Variants in GBF1 observed in about 807,000 individuals in gnomAD.
GBF1 encodes Golgi-specific brefeldin A-resistance guanine nucleotide exchange factor 1.
Under a neutral mutation model 210.5 loss-of-function variants are expected in GBF1, and 114 were observed. The observed-to-expected ratio is 0.54, with a 90% confidence interval of 0.47 to 0.63. The LOEUF is 0.63. Among genes scored for constraint, GBF1 ranks in the 30% least tolerant of loss-of-function variants. The pLI, the probability that GBF1 is intolerant of heterozygous loss-of-function variation, is 0.00. For synonymous variants in GBF1, 850 were observed against 889.2 expected, an observed-to-expected ratio of 0.96 and a Z score of 0.78; for missense variants, 1,851 against 2,357.7, an observed-to-expected ratio of 0.79 and a Z score of 4.45.
intron 3 of GBF1, among the ~76,000 whole-genome samples, chr10:102,336,136 C>G (rs1051051047): frequency 2.6e-5 from 4 of 151,788 alleles, no homozygotes; most frequent in Non-Finnish European, 5.9e-5. Flanking sequence ...CCCATCTCTA[C>G]TAGAAAATAC....
At chr10:102,360,118 A>G (rs2059509124) in intron 11 of GBF1, 66 bp from the exon 12 acceptor site, 2 of 984,896 alleles carry the variant, frequency 2.0e-6, no homozygotes, top group Admixed American at 1.7e-5. Flanking sequence ...AATGCAGAGC[A>G]GGCTAGGCAA....
chr10:102,369,179 G>A (rs369382466), intron 23 of GBF1, 32 bp from the exon 24 acceptor site: 13 of 1,520,378 alleles, frequency 8.6e-6, no homozygotes, highest in African/African-American at 6.9e-5. Context: ...ACATTAGCTC[G>A]GCCTTAAGTC....
chr10:102,308,124 T>C (rs141451900), intron 3 of GBF1, among the ~76,000 whole-genome samples: 5 of 149,120 alleles, frequency 3.4e-5, no homozygotes, highest in African/African-American at 1.2e-4. Context: ...TCTAAGAATA[T>C]GCCCAGCAGG....
At chr10:102,259,084 T>C (rs368014318) in intron 2 of GBF1, 50 bp downstream of exon 2, 2 of 902,182 alleles carry the variant, frequency 2.2e-6, no homozygotes, top group Non-Finnish European at 3.8e-6. Context: ...TTATAGGGGA[T>C]CTGTTGGCAT....
chr10:102,357,138 C>T (rs1208925295), intron 8 of GBF1, among the ~76,000 whole-genome samples: 1 of 152,118 alleles, frequency 6.6e-6, no homozygotes, highest in African/African-American at 2.4e-5. Context: ...GCCACTCCTT[C>T]CTTAACTCCA....
intron 1 of GBF1, among the ~76,000 whole-genome samples, chr10:102,250,013 A>G (rs2071311694): frequency 6.6e-6 from 1 of 152,116 alleles, no homozygotes; most frequent in Non-Finnish European, 1.5e-5. Context: ...AAAGGTATTG[A>G]GTGAACATAA....
At position 102,362,655 on chromosome 10, in the gene GBF1, G is replaced by T. The variant is rs1214490807; in HGVS notation, c.1867G>T (p.Ala623Ser). 8 of 1,612,698 alleles carry T rather than the reference G, an allele frequency of 5.0e-6. No individual in the cohort carries two copies. The highest frequency in any genetic ancestry group is 1.3e-5 in the African/African-American group (1 of 74,902). ...TGAGATAGTAGATGGCACCCGAGAAGCTAGCAATAGTGAGAGGCATTTCTT... is the reference window on the plus strand; with the variant it reads ...TGAGATAGTAGATGGCACCCGAGAATCTAGCAATAGTGAGAGGCATTTCTT... ...SCEIVDGTRE[A>S]SNTERTASDG... The change falls in exon 15 of 40, where the codon GCT becomes TCT. Residue 623 changes from alanine to serine, a missense_variant. Coordinates refer to ENST00000369983, the MANE Select transcript of GBF1 (RefSeq NM_001377137.1).
chr10:102,292,632 T>C (rs1450367665), intron 3 of GBF1, among the ~76,000 whole-genome samples: 54 of 152,184 alleles, frequency 3.5e-4, no homozygotes, highest in Admixed American at 3.5e-3. Context: ...TCTCCTAAAG[T>C]GCTGGGATTG....
At chr10:102,352,241 C>G (rs920116545) in intron 6 of GBF1, among the ~76,000 whole-genome samples, 3 of 152,186 alleles carry the variant, frequency 2.0e-5, no homozygotes, top group African/African-American at 7.2e-5. Flanking sequence ...CCTGCAACCC[C>G]CTAGAACACA....
chr10:102,261,295 T>C (rs1045696214), intron 3 of GBF1, among the ~76,000 whole-genome samples: 1 of 151,838 alleles, frequency 6.6e-6, no homozygotes, highest in African/African-American at 2.4e-5. Context: ...CACACACACA[T>C]ATACACTGGC....
chr10:102,321,183 CAATTAT>C (rs1227730618), intron 3 of GBF1, among the ~76,000 whole-genome samples: 2 of 152,182 alleles, frequency 1.3e-5, no homozygotes, highest in Non-Finnish European at 2.9e-5. Context: ...TAATTAGTCA[CAATTAT>C]AATTAGTTAA....
rs2076366399 is a variant in GBF1 at position 102,290,738 on chromosome 10, A to C, written c.163+30622A>C. Among the ~76,000 whole-genome samples, 4 of 152,144 alleles carry C rather than the reference A, an allele frequency of 2.6e-5. No individual in the cohort carries two copies. In the South Asian group the frequency reaches 8.3e-4, roughly 31 times the overall value. ...CAGGCTAGTCTCAAACTCCTGGGCT[A>C]AAGCAATCCACCTGCCTGAGCCTCC... On this transcript the variant is annotated intron_variant, in intron 3 of 39. Coordinates refer to ENST00000369983, the MANE Select transcript of GBF1 (RefSeq NM_001377137.1).
intron 5 of GBF1, among the ~76,000 whole-genome samples, chr10:102,351,613 G>A (rs1478864729): frequency 1.3e-5 from 2 of 152,138 alleles, no homozygotes; most frequent in Admixed American, 1.3e-4. Flanking sequence ...TGTACCTCTG[G>A]CCGACTGTAT....
upstream of GBF1, among the ~76,000 whole-genome samples, chr10:102,243,089 T>C (rs901037913): frequency 6.6e-6 from 1 of 152,148 alleles, no homozygotes; most frequent in African/African-American, 2.4e-5. Flanking sequence ...TGACCTTGTC[T>C]TCATCTCCAA....
At chr10:102,288,385 G>T (rs2076135083) in intron 3 of GBF1, among the ~76,000 whole-genome samples, 1 of 152,190 alleles carries the variant, frequency 6.6e-6, no homozygotes, top group African/African-American at 2.4e-5. Context: ...CTCCAAAATG[G>T]AGATAAAGAC....
chr10:102,358,163 C>T lies in GBF1; in HGVS notation c.764C>T (p.Thr255Ile), dbSNP rs1324449144. 2 of 1,613,844 alleles carry T rather than the reference C, an allele frequency of 1.2e-6. No homozygotes were observed. Among genetic ancestry groups the T allele is most frequent in the Non-Finnish European group, 8.5e-7 (1 of 1,179,710 alleles). The change falls in exon 9 of 40, where the codon ACC becomes ATC. Residue 255 changes from threonine (T) to isoleucine (I), a missense_variant. Physicochemically the swap from Thr to Ile is moderately conservative, Grantham distance 89. This residue lies in a region of GBF1 where 804 missense variants were observed against 958.6 expected (regional missense o/e 0.84). Coordinates refer to ENST00000369983, the MANE Select transcript of GBF1 (RefSeq NM_001377137.1). ...PGSELPTPNG[T>I]TLSSNLTGGM... Reference sequence around the variant, plus strand: ...TCAGAGCTGCCCACTCCCAATGGAACCACCTTATCATCTAACCTCACTGGT... The same window carrying T: ...TCAGAGCTGCCCACTCCCAATGGAATCACCTTATCATCTAACCTCACTGGT...
intron 1 of GBF1, among the ~76,000 whole-genome samples, chr10:102,246,752 G>A (rs556514442): frequency 1.3e-5 from 2 of 152,298 alleles, no homozygotes; most frequent in South Asian, 4.1e-4. Flanking sequence ...AGCTATAAAA[G>A]TCCACCAAGG....
At chr10:102,368,591 T>C (rs2060035655) in intron 22 of GBF1, 137 bp downstream of exon 22, 1 of 803,350 alleles carries the variant, frequency 1.2e-6, no homozygotes. Context: ...AGGCTGAAGC[T>C]TGGGTAGGCT....
At chr10:102,377,381 A>T (rs536001807) in intron 33 of GBF1, among the ~76,000 whole-genome samples, 1 of 151,614 alleles carries the variant, frequency 6.6e-6, no homozygotes, top group South Asian at 2.1e-4. Flanking sequence ...TTTGAGATGT[A>T]GTCTCTCTGT....
Sources: allele counts gnomAD v4.1 joint callset (sites outside exome capture counted in the v4.1 genomes callset), GRCh38; gene constraint gnomAD v4.1.1; regional missense constraint gnomAD v4.1.1; transcripts MANE v1.5; gene names NCBI Gene and HGNC (gene_info 2026-07-23, HGNC 2026-07-21).